GCNT4: variants seen among roughly 807,000 people sequenced by gnomAD.
GCNT4 encodes glucosaminyl (N-acetyl) transferase 4.
A neutral mutation model predicts 31.3 loss-of-function variants in GCNT4; 17 were observed. That is an observed-to-expected ratio of 0.54 (90% CI 0.37 to 0.81). The LOEUF (loss-of-function observed/expected upper bound fraction) is 0.81. GCNT4 is among the 40% of genes least tolerant of loss of function. The pLI, the probability that GCNT4 is intolerant of heterozygous loss-of-function variation, is 0.00. For missense variants in GCNT4, 503 were observed against 525.5 expected (o/e 0.96, Z 0.42); for synonymous variants, 158 against 190.6 (o/e 0.83, Z 1.41).
At chr5:75,022,951 G>A (rs1381730861), downstream of GCNT4, among the ~76,000 whole-genome samples, 9 of 152,124 alleles carry the variant, frequency 5.9e-5, no homozygotes, top group South Asian at 4.1e-4. Context: ...CCTTCCAAGC[G>A]CACTCTCAGA....
At chr5:75,050,783 G>A (rs1309137939) in intron 2 of GCNT4, among the ~76,000 whole-genome samples, 1 of 152,120 alleles carries the variant, frequency 6.6e-6, no homozygotes, top group African/African-American at 2.4e-5. Context: ...TCTCTCCAGA[G>A]CCGGCCTTGA....
intron 2 of GCNT4, among the ~76,000 whole-genome samples, chr5:75,049,303 T>G (rs1483779777): frequency 6.6e-6 from 1 of 152,218 alleles, no homozygotes; most frequent in African/African-American, 2.4e-5. Context: ...TCTTCCACTT[T>G]GCCTGTATTT....
downstream of GCNT4, among the ~76,000 whole-genome samples, chr5:75,022,145 C>A (rs1321275373): frequency 6.6e-6 from 1 of 152,068 alleles, no homozygotes; most frequent in Non-Finnish European, 1.5e-5. Context: ...GAGATTTCAC[C>A]CCCATGATTT....
At chr5:75,051,886 T>C (rs964369906) in intron 2 of GCNT4, among the ~76,000 whole-genome samples, 1 of 152,238 alleles carries the variant, frequency 6.6e-6, no homozygotes, top group African/African-American at 2.4e-5. Flanking sequence ...ACACAGTTCC[T>C]TGGCTATTGT....
At chr5:75,023,337 C>T (rs1244674082), downstream of GCNT4, among the ~76,000 whole-genome samples, 1 of 152,144 alleles carries the variant, frequency 6.6e-6, no homozygotes, top group Non-Finnish European at 1.5e-5. Context: ...TAGTTGTATA[C>T]ATCAACCAAG....
At chr5:75,031,892 G>C (rs1743071643) in intron 3 of GCNT4, among the ~76,000 whole-genome samples, 1 of 152,098 alleles carries the variant, frequency 6.6e-6, no homozygotes, top group African/African-American at 2.4e-5. Context: ...AGACCTGGTG[G>C]GGTCTGAGCA....
chr5:75,028,746 T>C lies in GCNT4; in HGVS notation c.1292A>G (p.Gln431Arg), dbSNP rs755451923. The change falls in exon 4 of 4, where the codon CAG becomes CGG. Residue 431 changes from glutamine (Q) to arginine (R), a missense_variant. Transcript: ENST00000652361. ...IKCLAEKLEEQQRDWITLPSE... is the reference protein window; with the variant it reads ...IKCLAEKLEERQRDWITLPSE... Reference sequence around the variant, plus strand: ...GGGCAAAGTGATCCAGTCTCTCTGCTGTTCTTCAAGCTTTTCTGCCAAGCA... The same window carrying C: ...GGGCAAAGTGATCCAGTCTCTCTGCCGTTCTTCAAGCTTTTCTGCCAAGCA... 1 of 1,614,054 alleles carries C rather than the reference T, an allele frequency of 6.2e-7. No homozygotes were observed. Among genetic ancestry groups the C allele is most frequent in the East Asian group, 2.2e-5 (1 of 44,884 alleles).
At chr5:75,045,160 C>G (rs549487885) in intron 3 of GCNT4, among the ~76,000 whole-genome samples, 9 of 152,258 alleles carry the variant, frequency 5.9e-5, no homozygotes, top group African/African-American at 1.9e-4. Context: ...CCACTTTAAT[C>G]AATTTTAAGT....
chr5:75,041,202 C>T (rs1215549788), intron 3 of GCNT4, among the ~76,000 whole-genome samples: 1 of 152,238 alleles, frequency 6.6e-6, no homozygotes, highest in Non-Finnish European at 1.5e-5. Flanking sequence ...GACCACGGAA[C>T]CCACAAAGCA....
chr5:75,052,134 T>A (rs1743584764), intron 2 of GCNT4, 35 bp downstream of exon 2: 1 of 150,704 alleles, frequency 6.6e-6, no homozygotes, highest in African/African-American at 2.4e-5. Context: ...GTTTTATGAA[T>A]GCAAGATCAA....
intron 3 of GCNT4, among the ~76,000 whole-genome samples, chr5:75,044,006 G>A (rs1271014835): frequency 6.6e-6 from 1 of 152,168 alleles, no homozygotes. Flanking sequence ...TAACTCTGAT[G>A]TTGGCAAGAA....
At chr5:75,018,215 C>A in the GCNT4 span, among the ~76,000 whole-genome samples, 1 of 152,200 alleles carries the variant, frequency 6.6e-6, no homozygotes, top group African/African-American at 2.4e-5. Context: ...AGCAGAGAAA[C>A]TTACAACTCA....
rs200357929 is a variant in GCNT4, at chr5:75,029,816, C to T, written c.222G>A (p.Ser74=). The T allele has an allele frequency of 4.6e-5, 75 of 1,613,924 alleles. No homozygotes were observed. Among genetic ancestry groups the T allele is most frequent in the Admixed American group, 2.8e-4 (17 of 59,994 alleles). ...CCAAAGGCTCCTGTTCATAGATACC[C>T]GAACAGTTAACTTCATACCTGACTT... is the stretch of plus-strand genomic sequence containing the variant. ...KDEVRYEVNC[S]GIYEQEPLEI... The change falls in exon 4 of 4, where the codon TCG becomes TCA. Residue 74 remains serine, a synonymous_variant. Coordinates refer to ENST00000652361, the MANE Select transcript of GCNT4 (RefSeq NM_001366737.1).
chr5:75,018,421 A>G, the GCNT4 span, among the ~76,000 whole-genome samples: 1 of 152,114 alleles, frequency 6.6e-6, no homozygotes, highest in African/African-American at 2.4e-5. Flanking sequence ...AGCTGTGATT[A>G]CAGGCTTGTG....
At position 75,046,707 on chromosome 5, in the gene GCNT4, G is replaced by A. The variant is rs1214561925; in HGVS notation, c.-2+1190C>T. ...ACCCAGAAAACCAACAAGAGAAGAC[G>A]GGGTTGCACAGGGGAGGGAAATGAA... On this transcript the variant is annotated intron_variant, in intron 3 of 3. Transcript: ENST00000652361. Among the ~76,000 whole-genome samples, 6 of 152,292 alleles carry A rather than the reference G, an allele frequency of 3.9e-5. 1 individual carries two copies. In the East Asian group the frequency reaches 9.6e-4, roughly 24 times the overall value.
chr5:75,042,586 T>C (rs907657399), intron 3 of GCNT4, among the ~76,000 whole-genome samples: 5 of 152,318 alleles, frequency 3.3e-5, no homozygotes, highest in African/African-American at 1.2e-4. Flanking sequence ...ATCAAGGGTA[T>C]TGATGTCAGA....
downstream of GCNT4, chr5:75,023,958 T>TG (rs1742911566): frequency 6.6e-6 from 1 of 152,252 alleles, no homozygotes; most frequent in African/African-American, 2.4e-5. Flanking sequence ...TAAGGCCCGA[T>TG]GAAGAGTCTT....
chr5:75,021,027 T>C (rs375633268), downstream of GCNT4, among the ~76,000 whole-genome samples: 42 of 152,292 alleles, frequency 2.8e-4, no homozygotes, highest in South Asian at 8.7e-3. Flanking sequence ...TTTATGACCA[T>C]AAGTGAACTT....
chr5:75,029,932 G>T lies in GCNT4; in HGVS notation c.106C>A (p.Arg36=), dbSNP rs773544073. 1 of 1,614,084 alleles carries T rather than the reference G, an allele frequency of 6.2e-7. No individual in the cohort carries two copies. The highest frequency in any genetic ancestry group is 8.5e-7 in the Non-Finnish European group (1 of 1,180,002). Residue 36 remains arginine, a synonymous_variant, in exon 4 of 4, where the codon CGA becomes AGA. Transcript: ENST00000652361. ...TAAATGTCTTTTTGCGGAAAGAGTC[G>T]TCTCACATTTAGAAGCTTTAACAAA... ...LSLLKLLNVR[R]LFPQKDIYLV...
Sources: allele counts gnomAD v4.1 joint callset (sites outside exome capture counted in the v4.1 genomes callset), GRCh38; gene constraint gnomAD v4.1.1; transcripts MANE v1.5; gene names NCBI Gene and HGNC (gene_info 2026-07-23, HGNC 2026-07-21).